ADAMTSL3: variants seen among roughly 807,000 people sequenced by gnomAD.
ADAMTSL3 encodes ADAMTS like 3, also known as ADAMTS-like protein 3.
In ADAMTSL3, 128 loss-of-function variants were observed where a neutral mutation model predicts 201.7. The observed-to-expected ratio is 0.63, with a 90% CI of 0.55 to 0.73. ADAMTSL3 has a LOEUF of 0.73. ADAMTSL3 is among the 30% of genes least tolerant of loss of function. The pLI is 0.00. For missense variants in ADAMTSL3, 1,990 were observed against 2,119.6 expected, an observed-to-expected ratio of 0.94 and a Z score of 1.20; for synonymous variants, 738 against 748.4, an observed-to-expected ratio of 0.99 and a Z score of 0.23.
intron 3 of ADAMTSL3, among the ~76,000 whole-genome samples, chr15:83,758,369 T>G (rs1459596556): frequency 6.6e-6 from 1 of 152,118 alleles, no homozygotes; most frequent in Non-Finnish European, 1.5e-5. Context: ...TATAAAACTG[T>G]CGGATGTTGT....
intron 22 of ADAMTSL3, among the ~76,000 whole-genome samples, chr15:83,989,397 T>C (rs2141830958): frequency 6.6e-6 from 1 of 152,322 alleles, no homozygotes; most frequent in Admixed American, 6.5e-5. Flanking sequence ...AAACAGCTGC[T>C]CAGGAACTCA....
chr15:83,811,356 TA>T (rs2063693315), intron 5 of ADAMTSL3, among the ~76,000 whole-genome samples: 1 of 152,358 alleles, frequency 6.6e-6, no homozygotes, highest in East Asian at 1.9e-4. Flanking sequence ...TGAAACTATT[TA>T]AAACAATTCA....
chr15:83,960,710 T>A (rs1596469471), intron 19 of ADAMTSL3, among the ~76,000 whole-genome samples: 1 of 152,326 alleles, frequency 6.6e-6, no homozygotes, highest in East Asian at 1.9e-4. Flanking sequence ...TCTCATCAAC[T>A]ATTCAAATTC....
intron 4 of ADAMTSL3, among the ~76,000 whole-genome samples, chr15:83,775,556 G>A (rs1264999854): frequency 6.6e-6 from 1 of 152,120 alleles, no homozygotes; most frequent in African/African-American, 2.4e-5. Flanking sequence ...GGTAGGGAAG[G>A]GCAGTTGTTC....
In ADAMTSL3 at chr15:83,827,455, A is replaced by G. The variant is rs969623321; in HGVS notation, c.600+7408A>G. 3.1e-4 allele frequency among the ~76,000 whole-genome samples: 47 copies of G among 152,092 alleles called. 1 individual carries two copies. Among genetic ancestry groups the G allele is most frequent in the African/African-American group, 8.7e-4 (36 of 41,492 alleles). Reference sequence around the variant, plus strand: ...GATTGCGAAAATTTTCTCCCATTCTATAGGTTGCCTGTTCACTCTGATGGT... The same window carrying G: ...GATTGCGAAAATTTTCTCCCATTCTGTAGGTTGCCTGTTCACTCTGATGGT... On this transcript the variant is annotated intron_variant, in intron 6 of 29. Coordinates refer to ENST00000286744, the MANE Select transcript of ADAMTSL3 (RefSeq NM_207517.3).
chr15:84,034,088 T>C (rs2068455046), intron 28 of ADAMTSL3, among the ~76,000 whole-genome samples: 1 of 152,188 alleles, frequency 6.6e-6, no homozygotes, highest in Admixed American at 6.5e-5. Flanking sequence ...TTTTCTTTCA[T>C]GGTGTTAATA....
chr15:83,795,536 T>C (rs1461654454), intron 4 of ADAMTSL3, among the ~76,000 whole-genome samples: 1 of 152,106 alleles, frequency 6.6e-6, no homozygotes, highest in African/African-American at 2.4e-5. Context: ...GCAAGACCCT[T>C]GAGGTCCAGA....
intron 3 of ADAMTSL3, among the ~76,000 whole-genome samples, chr15:83,726,569 T>C (rs752654167): frequency 1.6e-4 from 24 of 152,136 alleles, no homozygotes; most frequent in Non-Finnish European, 2.9e-4. Context: ...GTATGTTCCT[T>C]CTATATCTAG....
chr15:83,815,252 A>G (rs191737045), intron 5 of ADAMTSL3, among the ~76,000 whole-genome samples: 51 of 152,310 alleles, frequency 3.3e-4, no homozygotes, highest in Middle Eastern at 3.4e-3. Context: ...CAATTGTACA[A>G]CTTAACTCTT....
intron 12 of ADAMTSL3, 58 bp downstream of exon 12, chr15:83,891,437 G>A (rs1164858723): frequency 7.0e-7 from 1 of 1,420,456 alleles, no homozygotes; most frequent in African/African-American, 1.4e-5. Flanking sequence ...AGGAACTGTA[G>A]CATCTGTAGC....
At chr15:84,019,269 G>A (rs1054362422) in intron 25 of ADAMTSL3, among the ~76,000 whole-genome samples, 2 of 152,150 alleles carry the variant, frequency 1.3e-5, no homozygotes, top group African/African-American at 2.4e-5. Context: ...GCAAGAGTGT[G>A]AAGCAACTGA....
intron 2 of ADAMTSL3, among the ~76,000 whole-genome samples, chr15:83,696,385 T>G (rs1192499076): frequency 6.6e-6 from 1 of 152,194 alleles, no homozygotes; most frequent in African/African-American, 2.4e-5. Flanking sequence ...CTGCTTTGGT[T>G]GCTGTTAATA....
At chr15:83,883,457 G>A (rs916160125) in intron 9 of ADAMTSL3, among the ~76,000 whole-genome samples, 2 of 151,552 alleles carry the variant, frequency 1.3e-5, no homozygotes, top group African/African-American at 4.8e-5. Flanking sequence ...ACAGGCATCA[G>A]CCACCACGCC....
intron 14 of ADAMTSL3, among the ~76,000 whole-genome samples, chr15:83,899,075 TC>T (rs1247057208): frequency 6.6e-6 from 1 of 152,174 alleles, no homozygotes; most frequent in Non-Finnish European, 1.5e-5. Context: ...GATAGATTAT[TC>T]CTTTCTTCAC....
At chr15:83,802,272 T>A (rs2063536310) in intron 4 of ADAMTSL3, among the ~76,000 whole-genome samples, 1 of 152,136 alleles carries the variant, frequency 6.6e-6, no homozygotes, top group Non-Finnish European at 1.5e-5. Context: ...GTATTGTAAG[T>A]ATGGACAAAA....
intron 3 of ADAMTSL3, among the ~76,000 whole-genome samples, chr15:83,761,725 C>G (rs571410225): frequency 6.6e-6 from 1 of 152,252 alleles, no homozygotes; most frequent in South Asian, 2.1e-4. Flanking sequence ...TAAATCTTCC[C>G]TCATGTAAAG....
intron 4 of ADAMTSL3, among the ~76,000 whole-genome samples, chr15:83,797,747 C>A (rs2063451880): frequency 6.6e-6 from 1 of 152,018 alleles, no homozygotes; most frequent in Non-Finnish European, 1.5e-5. Context: ...CTGGTATGTC[C>A]ATGTTAGAGA....
rs536181909 is a variant in ADAMTSL3 at position 83,703,198 on chromosome 15, A to G, written c.70-1191A>G. Among the ~76,000 whole-genome samples, 6 of 152,184 alleles carry G rather than the reference A, an allele frequency of 3.9e-5. No homozygotes were observed. The East Asian group carries it at 9.7e-4, about 25-fold the overall frequency. ...GTGTTTATCCAATACCTATACCCTCATTGTATCTAGGAAGTAACTAGCTTG... is the reference window on the plus strand; with the variant it reads ...GTGTTTATCCAATACCTATACCCTCGTTGTATCTAGGAAGTAACTAGCTTG... On this transcript the variant is annotated intron_variant, in intron 2 of 29. Transcript: ENST00000286744.
At chr15:83,834,869 A>T (rs545228862) in intron 6 of ADAMTSL3, among the ~76,000 whole-genome samples, 13 of 152,308 alleles carry the variant, frequency 8.5e-5, no homozygotes, top group African/African-American at 3.1e-4. Context: ...TTAATAAATC[A>T]CTATAATTAG....
Sources: gnomAD v4.1 joint callset for allele counts (sites outside exome capture counted in the v4.1 genomes callset) on GRCh38, gnomAD v4.1.1 for gene constraint, MANE v1.5 for transcripts, NCBI Gene and HGNC (gene_info 2026-07-23, HGNC 2026-07-21) for gene names.